DERA: variants seen among roughly 807,000 people sequenced by gnomAD.
DERA encodes the protein deoxyribose-phosphate aldolase.
A neutral mutation model predicts 41.1 loss-of-function variants in DERA; 15 were observed. The observed-to-expected ratio is 0.37, with a 90% CI of 0.24 to 0.56. The LOEUF (loss-of-function observed/expected upper bound fraction) is 0.56. Ranked by LOEUF, DERA falls within the 20% of genes least tolerant of loss-of-function variation. The probability of loss-of-function intolerance (pLI) is 0.81; values close to 1 mark genes in which losing one functional copy is unlikely to be tolerated. For synonymous variants in DERA, 139 were observed against 137.4 expected, an observed-to-expected ratio of 1.01 and a Z score of -0.08; for missense variants, 396 against 403.4, an observed-to-expected ratio of 0.98 and a Z score of 0.16.
chr12:16,023,229 C>T (rs1229804990), intron 6 of DERA, among the ~76,000 whole-genome samples: 2 of 152,120 alleles, frequency 1.3e-5, no homozygotes, highest in Admixed American at 1.3e-4. Context: ...AATACATAGG[C>T]TCTCTGAAGA....
At position 15,993,940 on chromosome 12, in the gene DERA, A is replaced by G. The variant is rs1948819365; in HGVS notation, c.637+11504A>G. ...AGTATATGACAGACATTTAAACATA[A>G]AATGTTTTCTTTGTTTCTTCATGGT... On this transcript the variant is annotated intron_variant, in intron 6 of 8. Coordinates refer to ENST00000428559, the MANE Select transcript of DERA (RefSeq NM_015954.4). This position sits in a 1 kb window ranked among gnomAD's most constrained non-coding sequence, Gnocchi z 4.4. Among the ~76,000 whole-genome samples the G allele has an allele frequency of 6.6e-6, 1 of 152,220 alleles. No individual in the cohort carries two copies. Among genetic ancestry groups the G allele is most frequent in the Non-Finnish European group, 1.5e-5 (1 of 68,040 alleles).
At chr12:16,023,627 G>A (rs1011828053) in intron 6 of DERA, among the ~76,000 whole-genome samples, 4 of 151,336 alleles carry the variant, frequency 2.6e-5, no homozygotes, top group Admixed American at 6.6e-5. Context: ...ACAGGCGCCC[G>A]CCACTACGCC....
chr12:15,966,156 G>A lies in DERA; in HGVS notation c.508+3209G>A. Among the ~76,000 whole-genome samples the A allele has an allele frequency of 6.6e-6, 1 of 152,104 alleles. No individual in the cohort carries two copies. Among genetic ancestry groups the A allele is most frequent in the East Asian group, 1.9e-4 (1 of 5,190 alleles). ...CCAGCACTTTGGGAGGCTGAAACAG[G>A]CACTTTGGGAGGCCTCATCACCTCT... On this transcript the variant is annotated intron_variant, in intron 5 of 8. Transcript: ENST00000428559. This position sits in a 1 kb window ranked among gnomAD's most constrained non-coding sequence, Gnocchi z 5.1.
At position 15,990,019 on chromosome 12, in the gene DERA, TG is replaced by T. The variant is rs1292458074; in HGVS notation, c.637+7584del. Among the ~76,000 whole-genome samples the T allele has an allele frequency of 6.6e-6, 1 of 152,240 alleles. No individual in the cohort carries two copies. The highest frequency in any genetic ancestry group is 6.5e-5 in the Admixed American group (1 of 15,286). On this transcript the variant is annotated intron_variant, in intron 6 of 8. Coordinates refer to ENST00000428559, the MANE Select transcript of DERA (RefSeq NM_015954.4). This position sits in a 1 kb window ranked among gnomAD's most constrained non-coding sequence, Gnocchi z 4.3. Reference sequence around the variant, plus strand: ...AAATTAATCTGGTTATCAATTCAAATGCAGCAAGGTATGTGAGTGCATCATA... The same window carrying T: ...AAATTAATCTGGTTATCAATTCAAATCAGCAAGGTATGTGAGTGCATCATA...
At chr12:15,919,560 T>C (rs1208372633) in intron 1 of DERA, among the ~76,000 whole-genome samples, 1 of 152,230 alleles carries the variant, frequency 6.6e-6, no homozygotes, top group Non-Finnish European at 1.5e-5. Flanking sequence ...TTAACTTTGA[T>C]GTGTGTTGTG....
intron 1 of DERA, among the ~76,000 whole-genome samples, chr12:15,948,569 CTA>C (rs750808356): frequency 3.3e-4 from 50 of 152,182 alleles, no homozygotes; most frequent in Non-Finnish European, 5.0e-4. Context: ...AAGGACTTCT[CTA>C]CACTGGTTAT....
intron 6 of DERA, among the ~76,000 whole-genome samples, chr12:16,032,083 T>G (rs1043703770): frequency 4.6e-5 from 7 of 152,198 alleles, no homozygotes; most frequent in African/African-American, 1.7e-4. Flanking sequence ...GCAATAGAAA[T>G]CAGCTAATGG....
intron 1 of DERA, among the ~76,000 whole-genome samples, chr12:15,947,469 C>T (rs899683172): frequency 1.4e-4 from 21 of 151,884 alleles, no homozygotes; most frequent in African/African-American, 4.4e-4. Flanking sequence ...TAATGGCCTT[C>T]TTTGTCTCTT....
chr12:16,023,768 C>T (rs79941682), intron 6 of DERA, among the ~76,000 whole-genome samples: 179 of 152,224 alleles, frequency 1.2e-3, no homozygotes, highest in Admixed American at 2.1e-3. Flanking sequence ...TGAGCCACCG[C>T]GCCCGGCCTC....
chr12:15,912,448 G>A (rs1948171697), intron 1 of DERA, among the ~76,000 whole-genome samples: 1 of 152,190 alleles, frequency 6.6e-6, no homozygotes, highest in Admixed American at 6.5e-5. Flanking sequence ...GAAGGTTTAA[G>A]CGTCTCGTTT....
Position 15,941,205 on chromosome 12 carries a change from C to G in DERA, c.32-15731C>G, listed in dbSNP as rs1948406115. Among the ~76,000 whole-genome samples the G allele has an allele frequency of 6.6e-6, 1 of 152,108 alleles. No homozygotes were observed. Among genetic ancestry groups the G allele is most frequent in the Non-Finnish European group, 1.5e-5 (1 of 68,024 alleles). On this transcript the variant is annotated intron_variant, in intron 1 of 8. Transcript: ENST00000428559. This position sits in a 1 kb window ranked among gnomAD's most constrained non-coding sequence, Gnocchi z 4.5. ...GTTCACCTAATCTACAGTAGCGGCT[C>G]ATTGACCTACTGACTGTGGGTGTTG...
intron 1 of DERA, among the ~76,000 whole-genome samples, chr12:15,955,296 GA>G (rs35293991): frequency 0.017 from 2,316 of 134,466 alleles, 33 homozygotes; most frequent in African/African-American, 0.039. Flanking sequence ...GACTGTGTCT[GA>G]AAAAAAAAAA....
At chr12:15,949,882 T>G (rs577502142) in intron 1 of DERA, among the ~76,000 whole-genome samples, 26 of 152,314 alleles carry the variant, frequency 1.7e-4, no homozygotes, top group Non-Finnish European at 3.1e-4. Flanking sequence ...CGGTTGCCAC[T>G]GACAAAACTG....
rs1359104304 is a variant in DERA at position 15,911,835 on chromosome 12, T to G, written c.31+421T>G. 4.3e-6 allele frequency: 2 copies of G among 463,354 alleles called. No individual in the cohort carries two copies. The highest frequency in any genetic ancestry group is 4.0e-5 in the African/African-American group (2 of 50,188). 28.7% of individuals were successfully genotyped at this position (463,354 alleles called of 1,614,324 possible). On this transcript the variant is annotated intron_variant, in intron 1 of 8. Coordinates refer to ENST00000428559, the MANE Select transcript of DERA (RefSeq NM_015954.4). The surrounding 1 kb of genome is among the most constrained non-coding windows in gnomAD (Gnocchi z 4.5). ...TAATGCAGTATTTCCGTAGATAATT[T>G]TAACCGTAACCTTGAAGTGGCCGTG...
chr12:15,929,230 A>G (rs1046815858), intron 1 of DERA, among the ~76,000 whole-genome samples: 5 of 152,222 alleles, frequency 3.3e-5, no homozygotes, highest in African/African-American at 1.2e-4. Flanking sequence ...GGGGTACTTT[A>G]AAGTTTTTGA....
intron 7 of DERA, among the ~76,000 whole-genome samples, chr12:16,033,341 G>A (rs1009504619): frequency 2.6e-5 from 4 of 152,202 alleles, no homozygotes; most frequent in Middle Eastern, 3.2e-3. Flanking sequence ...CAATTTTTGC[G>A]TTTTATGGAA....
In DERA at chr12:16,008,116, G is replaced by T. The variant is rs777879122; in HGVS notation, c.638-24426G>T. On this transcript the variant is annotated intron_variant, in intron 6 of 8. Coordinates refer to ENST00000428559, the MANE Select transcript of DERA (RefSeq NM_015954.4). This position sits in a 1 kb window ranked among gnomAD's most constrained non-coding sequence, Gnocchi z 4.8. Reference sequence around the variant, plus strand: ...GATCTGCCTGCCTTGGCCTCCCAAAGTGCTGGGATTACAGGAGTGAGCCAC... The same window carrying T: ...GATCTGCCTGCCTTGGCCTCCCAAATTGCTGGGATTACAGGAGTGAGCCAC... Among the ~76,000 whole-genome samples, 1 of 152,212 alleles carries T rather than the reference G, an allele frequency of 6.6e-6. No homozygotes were observed.
chr12:15,999,361 G>A lies in DERA; in HGVS notation c.637+16925G>A, dbSNP rs550474246. ...TAAAAAAGTGACATTATCTCTTAGT[G>A]TGGTGAAGAAGTGAAAAATAGGGTT... On this transcript the variant is annotated intron_variant, in intron 6 of 8. Coordinates refer to ENST00000428559, the MANE Select transcript of DERA (RefSeq NM_015954.4). The surrounding 1 kb of genome is among the most constrained non-coding windows in gnomAD (Gnocchi z 5.3). Among the ~76,000 whole-genome samples the A allele has an allele frequency of 4.1e-4, 62 of 152,348 alleles. 1 individual carries two copies. In the South Asian group the frequency reaches 0.013, roughly 31 times the overall value.
In DERA at chr12:15,998,727, A is replaced by G. The variant is rs1948855822; in HGVS notation, c.637+16291A>G. Among the ~76,000 whole-genome samples, 1 of 152,164 alleles carries G rather than the reference A, an allele frequency of 6.6e-6. No individual in the cohort carries two copies. Among genetic ancestry groups the G allele is most frequent in the Non-Finnish European group, 1.5e-5 (1 of 68,016 alleles). ...ATAGGCAGTCCACAGTTAACAAACC[A>G]ATTGTTCTAGTAGTTATTTTCATTG... On this transcript the variant is annotated intron_variant, in intron 6 of 8. Coordinates refer to ENST00000428559, the MANE Select transcript of DERA (RefSeq NM_015954.4). This position sits in a 1 kb window ranked among gnomAD's most constrained non-coding sequence, Gnocchi z 4.8.
Sources: allele counts gnomAD v4.1 joint callset (sites outside exome capture counted in the v4.1 genomes callset), GRCh38; gene constraint gnomAD v4.1.1; non-coding constraint Gnocchi (gnomAD v3.1); transcripts MANE v1.5; gene names NCBI Gene and HGNC (gene_info 2026-07-23, HGNC 2026-07-21).